Variants in RAP1GDS1 observed in about 807,000 individuals in gnomAD.
RAP1GDS1 encodes the protein Rap1 GTPase-GDP dissociation stimulator 1.
In RAP1GDS1, 35 loss-of-function variants were observed where a neutral mutation model predicts 71.1. The ratio of observed to expected loss-of-function variants is 0.49; its 90% CI spans 0.38 to 0.65. The LOEUF is 0.65. RAP1GDS1 is among the 30% of genes least tolerant of loss of function. The pLI is 0.00. For missense variants in RAP1GDS1, 663 were observed against 706.1 expected (o/e 0.94, Z 0.69); for synonymous variants, 229 against 243.1 (o/e 0.94, Z 0.54).
intron 2 of RAP1GDS1, among the ~76,000 whole-genome samples, chr4:98,294,348 A>G (rs1016243166): frequency 1.3e-5 from 2 of 152,040 alleles, no homozygotes; most frequent in African/African-American, 4.8e-5. Context: ...ACACTTATTG[A>G]TATATGTTTT....
At chr4:98,434,153 G>C in intron 13 of RAP1GDS1, 91 bp downstream of exon 13, 7 of 1,466,310 alleles carry the variant, frequency 4.8e-6, no homozygotes, top group Non-Finnish European at 6.6e-6. Context: ...ACAGAACCTT[G>C]ACTGGAAGCA....
chr4:98,428,307 T>A (rs1423982963), intron 12 of RAP1GDS1, among the ~76,000 whole-genome samples: 1 of 152,050 alleles, frequency 6.6e-6, no homozygotes, highest in Non-Finnish European at 1.5e-5. Flanking sequence ...GATTTCATGA[T>A]CAAGAACCCA....
chr4:98,438,633 C>T (rs1018779148), intron 14 of RAP1GDS1, among the ~76,000 whole-genome samples: 2 of 133,432 alleles, frequency 1.5e-5, no homozygotes, highest in Non-Finnish European at 3.1e-5. Context: ...TACTCTGTCA[C>T]CCAGGCTGGA....
intron 1 of RAP1GDS1, 59 bp from the exon 2 acceptor site, chr4:98,293,349 T>C (rs940447853): frequency 8.8e-7 from 1 of 1,138,366 alleles, no homozygotes; most frequent in African/African-American, 1.6e-5. Flanking sequence ...TATCCTTTTG[T>C]CATGTAACAT....
chr4:98,371,138 G>A (rs1404218345), intron 4 of RAP1GDS1, among the ~76,000 whole-genome samples: 3 of 141,768 alleles, frequency 2.1e-5, no homozygotes, highest in African/African-American at 7.9e-5. Flanking sequence ...TTTTTGAGAC[G>A]AAGTCTCTCT....
intron 5 of RAP1GDS1, among the ~76,000 whole-genome samples, chr4:98,391,368 A>T (rs1260544518): frequency 6.6e-6 from 1 of 152,098 alleles, no homozygotes; most frequent in Non-Finnish European, 1.5e-5. Context: ...AAAAAGAAAA[A>T]TATTTTAGGT....
chr4:98,384,052 G>C (rs991292898), intron 5 of RAP1GDS1, among the ~76,000 whole-genome samples: 6 of 151,548 alleles, frequency 4.0e-5, no homozygotes, highest in Non-Finnish European at 8.9e-5. Context: ...AAAACAATAT[G>C]TAAAAGGTAA....
chr4:98,434,085 T>C, intron 13 of RAP1GDS1, 23 bp downstream of exon 13: 1 of 1,607,612 alleles, frequency 6.2e-7, no homozygotes, highest in Non-Finnish European at 8.5e-7. Context: ...GTGACAAACT[T>C]ATTTTCTTCT....
chr4:98,363,668 G>T (rs1328305540), intron 4 of RAP1GDS1, among the ~76,000 whole-genome samples: 1 of 151,994 alleles, frequency 6.6e-6, no homozygotes, highest in Non-Finnish European at 1.5e-5. Flanking sequence ...TCTTGAAGTA[G>T]TGAGAAGTTG....
chr4:98,274,152 A>G (rs1380101790), intron 1 of RAP1GDS1, among the ~76,000 whole-genome samples: 2 of 152,190 alleles, frequency 1.3e-5, no homozygotes, highest in African/African-American at 4.8e-5. Flanking sequence ...AGTCAGATTC[A>G]TTAGGAAACT....
At chr4:98,385,150 T>G (rs997126592) in intron 5 of RAP1GDS1, among the ~76,000 whole-genome samples, 2 of 151,786 alleles carry the variant, frequency 1.3e-5, no homozygotes, top group Admixed American at 1.3e-4. Context: ...ATATCACCAT[T>G]AATTATTGGT....
intron 2 of RAP1GDS1, among the ~76,000 whole-genome samples, chr4:98,313,946 T>C (rs1730611083): frequency 6.6e-6 from 1 of 152,180 alleles, no homozygotes; most frequent in African/African-American, 2.4e-5. Context: ...GGTCGTTGTT[T>C]TGTTTCTTAA....
intron 2 of RAP1GDS1, chr4:98,296,931 T>A: frequency 2.7e-6 from 1 of 370,448 alleles, no homozygotes; most frequent in Non-Finnish European, 5.2e-6. Flanking sequence ...GAAGACCATT[T>A]TGTGTTGCCG....
intron 1 of RAP1GDS1, among the ~76,000 whole-genome samples, chr4:98,274,145 C>T (rs1723876893): frequency 6.6e-6 from 1 of 152,112 alleles, no homozygotes; most frequent in Non-Finnish European, 1.5e-5. Context: ...ACTTTTAAGT[C>T]AGATTCATTA....
At chr4:98,378,549 T>C (rs959118785) in intron 4 of RAP1GDS1, among the ~76,000 whole-genome samples, 2 of 151,982 alleles carry the variant, frequency 1.3e-5, no homozygotes, top group Non-Finnish European at 2.9e-5. Context: ...ATCAAAGACA[T>C]AATAACGTTC....
chr4:98,389,680 A>G (rs977727885), intron 5 of RAP1GDS1, among the ~76,000 whole-genome samples: 2 of 152,162 alleles, frequency 1.3e-5, no homozygotes, highest in African/African-American at 4.8e-5. Flanking sequence ...TTACTGCTTC[A>G]ATTTGTATGC....
At chr4:98,295,381 T>C (rs1021877312) in intron 2 of RAP1GDS1, among the ~76,000 whole-genome samples, 1 of 152,058 alleles carries the variant, frequency 6.6e-6, no homozygotes, top group Non-Finnish European at 1.5e-5. Flanking sequence ...TGAAACAAAA[T>C]TTATAAATGC....
At chr4:98,303,289 A>G (rs1378709523) in intron 2 of RAP1GDS1, among the ~76,000 whole-genome samples, 1 of 152,192 alleles carries the variant, frequency 6.6e-6, no homozygotes, top group Non-Finnish European at 1.5e-5. Context: ...TGTTTAATAC[A>G]GTAGTCACTC....
At chr4:98,389,596 G>C (rs376045174) in intron 5 of RAP1GDS1, among the ~76,000 whole-genome samples, 158 of 152,210 alleles carry the variant, frequency 1.0e-3, no homozygotes, top group African/African-American at 3.7e-3. Context: ...TGATTTTCAT[G>C]AATTATGGCA....
Sources: allele counts gnomAD v4.1 joint callset (sites outside exome capture counted in the v4.1 genomes callset), GRCh38; gene constraint gnomAD v4.1.1; transcripts MANE v1.5; gene names NCBI Gene and HGNC (gene_info 2026-07-23, HGNC 2026-07-21).